Variants in PPP2R2A observed in about 807,000 individuals in gnomAD.
PPP2R2A encodes serine/threonine-protein phosphatase 2A 55 kDa regulatory subunit B alpha isoform.
A neutral mutation model predicts 53.2 loss-of-function variants in PPP2R2A; 9 were observed. The observed-to-expected ratio is 0.17, with a 90% CI of 0.10 to 0.30. The LOEUF (loss-of-function observed/expected upper bound fraction) is 0.30, where lower values mean the gene tolerates loss of function less well. Ranked by LOEUF, PPP2R2A falls within the 10% of genes least tolerant of loss-of-function variation. The pLI is 1.00. For missense variants in PPP2R2A, 235 were observed against 534.6 expected (o/e 0.44, Z 5.53); for synonymous variants, 169 against 174.2 (o/e 0.97, Z 0.23).
intron 2 of PPP2R2A, among the ~76,000 whole-genome samples, chr8:26,300,971 C>T (rs1801755569): frequency 6.6e-6 from 1 of 152,166 alleles, no homozygotes; most frequent in African/African-American, 2.4e-5. Context: ...TTTTTGAGTG[C>T]TTAACTATGT....
rs1283624278 is a variant in PPP2R2A at position 26,338,987 on chromosome 8, G to A, written c.180G>A (p.Glu60=). The change falls in exon 3 of 10, where the codon GAG becomes GAA. Residue 60 remains glutamate, a splice_region_variant and synonymous_variant. Transcript: ENST00000380737. The surrounding 1 kb of genome is among the most constrained non-coding windows in gnomAD (Gnocchi z 4.5). ...GRVVIFQQEQ[E]NKIQSHSRGE... Reference sequence around the variant, plus strand: ...TTGTCATCTTTCAACAGGAGCAGGAGGTAAGTGTTTAAAGTTTATTGTCTA... The same window carrying A: ...TTGTCATCTTTCAACAGGAGCAGGAAGTAAGTGTTTAAAGTTTATTGTCTA... 6 of 1,591,854 alleles carry A rather than the reference G, an allele frequency of 3.8e-6. No individual in the cohort carries two copies. Among genetic ancestry groups the A allele is most frequent in the African/African-American group, 2.7e-5 (2 of 74,254 alleles).
chr8:26,351,810 CTT>C (rs1199778900), intron 3 of PPP2R2A, among the ~76,000 whole-genome samples: 3 of 152,138 alleles, frequency 2.0e-5, no homozygotes, highest in Admixed American at 6.5e-5. Flanking sequence ...GTCTTTATGA[CTT>C]TGCTTTAAAA....
chr8:26,340,196 G>C (rs1803872096), intron 3 of PPP2R2A, among the ~76,000 whole-genome samples: 1 of 151,898 alleles, frequency 6.6e-6, no homozygotes, highest in African/African-American at 2.4e-5. Flanking sequence ...CATACTTAGA[G>C]TTGACATGGA....
chr8:26,300,306 T>C (rs1801722864), intron 2 of PPP2R2A, among the ~76,000 whole-genome samples: 1 of 152,188 alleles, frequency 6.6e-6, no homozygotes, highest in Non-Finnish European at 1.5e-5. Context: ...GAAGCAAAAA[T>C]GTATTAAATC....
intron 9 of PPP2R2A, among the ~76,000 whole-genome samples, chr8:26,368,897 G>A (rs191610380): frequency 0.022 from 3,370 of 152,104 alleles, 54 homozygotes; most frequent in Non-Finnish European, 0.031. Flanking sequence ...ATGAGGTCAG[G>A]AGATTGAGAC....
intron 1 of PPP2R2A, chr8:26,292,974 AAAATG>A: frequency 5.1e-6 from 2 of 393,700 alleles, no homozygotes; most frequent in Non-Finnish European, 9.0e-6. Flanking sequence ...GCCTTGTTGA[AAAATG>A]AAATGAGATT....
chr8:26,361,575 C>T (rs1459348642), intron 6 of PPP2R2A, among the ~76,000 whole-genome samples: 1 of 152,040 alleles, frequency 6.6e-6, no homozygotes, highest in Admixed American at 6.6e-5. Flanking sequence ...CTCTGCACTC[C>T]AGCTTGGATG....
chr8:26,313,934 C>T (rs993627569), intron 2 of PPP2R2A, among the ~76,000 whole-genome samples: 3 of 152,196 alleles, frequency 2.0e-5, no homozygotes, highest in African/African-American at 4.8e-5. Flanking sequence ...TAATTTGTTA[C>T]AGCAGCCATA....
chr8:26,325,482 G>A (rs1052633822), intron 2 of PPP2R2A, among the ~76,000 whole-genome samples: 3 of 152,066 alleles, frequency 2.0e-5, no homozygotes, highest in Non-Finnish European at 2.9e-5. Flanking sequence ...CTTTATCAGC[G>A]GCGTGAAAAC....
rs879594364 is a variant in PPP2R2A at position 26,372,612 on chromosome 8, A to G, written c.*2199A>G. 1.3e-5 allele frequency: 2 copies of G among 152,204 alleles called. No homozygotes were observed. The highest frequency in any genetic ancestry group is 1.3e-4 in the Admixed American group (2 of 15,282). 9.4% of individuals were successfully genotyped at this position (152,204 alleles called of 1,614,324 possible). A position where few individuals can be genotyped will look rare whatever the true frequency, so the allele number is the denominator to read the frequency against. ...TAATTTCATTGGTGTAGCAAACTCTAAGCCCAGCCACTCATTTTACATGGC... is the reference window on the plus strand; with the variant it reads ...TAATTTCATTGGTGTAGCAAACTCTGAGCCCAGCCACTCATTTTACATGGC... On this transcript the variant is annotated 3_prime_UTR_variant, in exon 10 of 10. Coordinates refer to ENST00000380737, the MANE Select transcript of PPP2R2A (RefSeq NM_002717.4).
intron 3 of PPP2R2A, among the ~76,000 whole-genome samples, chr8:26,345,965 T>A (rs1042326746): frequency 2.6e-4 from 40 of 152,100 alleles, no homozygotes; most frequent in African/African-American, 9.7e-4. Context: ...AAATTTTATT[T>A]TACTTTTTGT....
intron 2 of PPP2R2A, among the ~76,000 whole-genome samples, chr8:26,312,027 A>C (rs1023584461): frequency 1.1e-5 from 1 of 91,682 alleles, no homozygotes; most frequent in Non-Finnish European, 3.1e-5. Context: ...TATTTTTTAC[A>C]TTATAAATAT....
intron 2 of PPP2R2A, among the ~76,000 whole-genome samples, chr8:26,311,454 A>T (rs150518608): frequency 1.8e-3 from 277 of 152,340 alleles, no homozygotes; most frequent in Non-Finnish European, 3.3e-3. Flanking sequence ...CAGCTTCATC[A>T]GAATTGGGAT....
intron 2 of PPP2R2A, among the ~76,000 whole-genome samples, chr8:26,328,585 T>C (rs1235216016): frequency 6.6e-6 from 1 of 152,230 alleles, no homozygotes; most frequent in African/African-American, 2.4e-5. Flanking sequence ...TGGTAACTAT[T>C]CCATAATTCC....
chr8:26,312,449 A>C (rs1802334823), intron 2 of PPP2R2A, among the ~76,000 whole-genome samples: 2 of 152,222 alleles, frequency 1.3e-5, no homozygotes, highest in Non-Finnish European at 2.9e-5. Context: ...GTGGCAAGGC[A>C]GCTTATAGCC....
intron 4 of PPP2R2A, among the ~76,000 whole-genome samples, chr8:26,355,149 G>A (rs1206460591): frequency 6.6e-6 from 1 of 152,156 alleles, no homozygotes; most frequent in Admixed American, 6.5e-5. Flanking sequence ...TCCATTCCAG[G>A]ATACGCTATA....
intron 3 of PPP2R2A, chr8:26,350,588 T>C (rs946196154): frequency 1.3e-4 from 20 of 152,052 alleles, no homozygotes; most frequent in African/African-American, 4.6e-4. Context: ...CTCTCTCTCT[T>C]TTTTTGGTAG....
At position 26,372,226 on chromosome 8, in the gene PPP2R2A, C is replaced by T. The variant is rs1421802289; in HGVS notation, c.*1813C>T. 2.6e-5 allele frequency: 4 copies of T among 152,130 alleles called. No homozygotes were observed. In the South Asian group the frequency reaches 8.3e-4, roughly 32 times the overall value. The allele number at this position is 152,130 out of a possible 1,614,324, so 9.4% of individuals were successfully genotyped here. A position where few individuals can be genotyped will look rare whatever the true frequency, so the allele number is the denominator to read the frequency against. On this transcript the variant is annotated 3_prime_UTR_variant, in exon 10 of 10. Coordinates refer to ENST00000380737, the MANE Select transcript of PPP2R2A (RefSeq NM_002717.4). ...CTGATAATTCTTAATGGCACTTTTACTAATTTATTTGGGGATCTTGGGTAC... is the reference window on the plus strand; with the variant it reads ...CTGATAATTCTTAATGGCACTTTTATTAATTTATTTGGGGATCTTGGGTAC...
chr8:26,349,810 T>C (rs1451904878), intron 3 of PPP2R2A, among the ~76,000 whole-genome samples: 3 of 152,224 alleles, frequency 2.0e-5, no homozygotes, highest in Non-Finnish European at 4.4e-5. Flanking sequence ...CCACAGTTTA[T>C]CCATTATGAG....
Sources: gnomAD v4.1 joint callset for allele counts (sites outside exome capture counted in the v4.1 genomes callset) on GRCh38, gnomAD v4.1.1 for gene constraint, Gnocchi (gnomAD v3.1) non-coding constraint, MANE v1.5 for transcripts, NCBI Gene and HGNC (gene_info 2026-07-23, HGNC 2026-07-21) for gene names.